The following ASTN1 variants were observed in gnomAD, a reference collection of about 807,000 sequenced individuals.
The protein encoded by ASTN1 is astrotactin-1.
ASTN1 carries 41 observed loss-of-function variants against 140.7 expected under a neutral mutation model. The ratio of observed to expected loss-of-function variants is 0.29; its 90% CI spans 0.23 to 0.38. The LOEUF is 0.38. Among genes scored for constraint, ASTN1 ranks in the 10% least tolerant of loss-of-function variants. The probability of loss-of-function intolerance (pLI) is 1.00; values close to 1 mark genes in which losing one functional copy is unlikely to be tolerated. For missense variants in ASTN1, 1,479 were observed against 1,678.8 expected (o/e 0.88, Z 2.08); for synonymous variants, 640 against 652.2 (o/e 0.98, Z 0.29).
intron 8 of ASTN1, among the ~76,000 whole-genome samples, chr1:177,005,364 T>C (rs1674941561): frequency 6.6e-6 from 1 of 152,220 alleles, no homozygotes; most frequent in African/African-American, 2.4e-5. Context: ...GGAATGCTTA[T>C]ACACTGCTAG....
intron 8 of ASTN1, among the ~76,000 whole-genome samples, chr1:176,995,131 AC>A (rs1674376961): frequency 6.6e-6 from 1 of 152,182 alleles, no homozygotes; most frequent in Non-Finnish European, 1.5e-5. Context: ...CTTATATGCA[AC>A]CATTCGCTGA....
chr1:176,958,538 T>A, intron 9 of ASTN1, 56 bp from the exon 10 acceptor site: 1 of 1,526,898 alleles, frequency 6.5e-7, no homozygotes, highest in Non-Finnish European at 8.8e-7. Context: ...CACTCACCAC[T>A]GGGGGATCTA....
intron 12 of ASTN1, among the ~76,000 whole-genome samples, 190 bp downstream of exon 12, chr1:176,948,995 C>T (rs1481911753): frequency 1.3e-5 from 2 of 152,250 alleles, no homozygotes; most frequent in Middle Eastern, 3.4e-3. Flanking sequence ...AGACTTAGGT[C>T]CCACACAACT....
intron 16 of ASTN1, among the ~76,000 whole-genome samples, chr1:176,930,107 T>G (rs1460263429): frequency 2.0e-5 from 3 of 152,092 alleles, no homozygotes; most frequent in Admixed American, 6.5e-5. Context: ...TTGCAATAGT[T>G]TTTGAAAACC....
At chr1:176,867,366 A>G (rs1668163905) in intron 22 of ASTN1, among the ~76,000 whole-genome samples, 1 of 152,094 alleles carries the variant, frequency 6.6e-6, no homozygotes, top group Non-Finnish European at 1.5e-5. Context: ...AGAGGGAGGT[A>G]GAAGGGAGTG....
At chr1:176,986,710 C>G (rs942131118) in intron 8 of ASTN1, among the ~76,000 whole-genome samples, 17 of 152,126 alleles carry the variant, frequency 1.1e-4, no homozygotes, top group African/African-American at 4.1e-4. Flanking sequence ...TTAAGTAAAT[C>G]TTCTCTCTGT....
Position 177,056,582 on chromosome 1 carries a change from TATATAC to T in ASTN1, c.471+4490_471+4495del, listed in dbSNP as rs1450138759. Among the ~76,000 whole-genome samples the T allele has an allele frequency of 4.9e-3, 627 of 127,762 alleles. 2 individuals are homozygous for T. The highest frequency in any genetic ancestry group is 0.015 in the African/African-American group (576 of 37,412). The allele number at this position is 127,762 out of a possible 152,430, so 83.8% of individuals were successfully genotyped here. A position where few individuals can be genotyped will look rare whatever the true frequency, so the allele number is the denominator to read the frequency against. On this transcript the variant is annotated intron_variant, in intron 2 of 22. Coordinates refer to ENST00000361833, the MANE Select transcript of ASTN1 (RefSeq NM_004319.3). ...AATTTCATATATATATATATATATA[TATATAC>T]ACATATCTCCAAAGAATTTTAGAAA...
intron 1 of ASTN1, among the ~76,000 whole-genome samples, chr1:177,131,138 G>C (rs928395655): frequency 6.6e-6 from 1 of 152,182 alleles, no homozygotes; most frequent in African/African-American, 2.4e-5. Context: ...TACAGTGAAT[G>C]TGCCTCTCAT....
At chr1:176,991,436 C>CAAAAAAAAAAAAAAAAAAAAAA (rs1173420812) in intron 8 of ASTN1, among the ~76,000 whole-genome samples, 22 of 13,818 alleles carry the variant, frequency 1.6e-3, no homozygotes, top group Non-Finnish European at 2.0e-3. Flanking sequence ...AAAAAAAAAC[C>CAAAAAAAAAAAAAAAAAAAAAA]AAAAAAAAAA....
At position 176,988,480 on chromosome 1, in the gene ASTN1, A is replaced by G. The variant is rs139934370; in HGVS notation, c.1524-23243T>C. ...AACTCTTATCCCTAGTTATAGTAAC[A>G]AAGCAATTTCCAAATGAGTTTCTGA... On this transcript the variant is annotated intron_variant, in intron 8 of 22. Coordinates refer to ENST00000361833, the MANE Select transcript of ASTN1 (RefSeq NM_004319.3). 4.3e-3 allele frequency among the ~76,000 whole-genome samples: 649 copies of G among 152,308 alleles called. 26 individuals carry two copies. Among genetic ancestry groups the G allele is most frequent in the Admixed American group, 0.038 (585 of 15,290 alleles).
At chr1:176,976,937 G>A (rs574540647) in intron 8 of ASTN1, 3 of 152,330 alleles carry the variant, frequency 2.0e-5, no homozygotes, top group Non-Finnish European at 4.4e-5. Flanking sequence ...ACATATTCAC[G>A]ACTGAATGTT....
At chr1:176,865,116 C>G (rs942197089) in intron 22 of ASTN1, among the ~76,000 whole-genome samples, 1 of 152,196 alleles carries the variant, frequency 6.6e-6, no homozygotes, top group African/African-American at 2.4e-5. Context: ...TGATTAACCT[C>G]CAGGTGAGCT....
intron 16 of ASTN1, among the ~76,000 whole-genome samples, chr1:176,928,992 A>G (rs1671088182): frequency 6.6e-6 from 1 of 152,170 alleles, no homozygotes; most frequent in African/African-American, 2.4e-5. Context: ...GACTTTAGAG[A>G]GCAAATCTCT....
At chr1:177,012,342 T>C (rs1160566933) in intron 8 of ASTN1, among the ~76,000 whole-genome samples, 1 of 152,230 alleles carries the variant, frequency 6.6e-6, no homozygotes, top group Middle Eastern at 3.2e-3. Context: ...CAGTCATTTG[T>C]CTGGCGCTTT....
intron 8 of ASTN1, among the ~76,000 whole-genome samples, chr1:176,989,963 G>T (rs1480814119): frequency 6.6e-6 from 1 of 151,784 alleles, no homozygotes; most frequent in African/African-American, 2.4e-5. Context: ...GCTCTTTCTG[G>T]CTCCAAAAGG....
intron 2 of ASTN1, among the ~76,000 whole-genome samples, chr1:177,060,389 C>G (rs1471132253): frequency 2.0e-5 from 3 of 152,168 alleles, no homozygotes; most frequent in South Asian, 4.1e-4. Context: ...GAAAAGAGAA[C>G]TTGGTAGTGG....
intron 8 of ASTN1, among the ~76,000 whole-genome samples, chr1:177,010,911 C>CATATTAAATTTA (rs1675257848): frequency 6.6e-6 from 1 of 152,106 alleles, no homozygotes; most frequent in Non-Finnish European, 1.5e-5. Context: ...TTTTTAGGAT[C>CATATTAAATTTA]ATTTAAATTT....
intron 15 of ASTN1, among the ~76,000 whole-genome samples, chr1:176,934,661 T>C (rs1468659922): frequency 6.6e-6 from 1 of 151,834 alleles, no homozygotes; most frequent in African/African-American, 2.4e-5. Context: ...ATCAATTTAG[T>C]GAGTTCAAAT....
At chr1:176,868,547 CTT>C (rs997769762) in intron 22 of ASTN1, among the ~76,000 whole-genome samples, 1 of 152,134 alleles carries the variant, frequency 6.6e-6, no homozygotes, top group African/African-American at 2.4e-5. Context: ...GCTTTTGACT[CTT>C]TGAGTTTTAG....
Sources: allele counts gnomAD v4.1 joint callset (sites outside exome capture counted in the v4.1 genomes callset), GRCh38; gene constraint gnomAD v4.1.1; transcripts MANE v1.5; gene names NCBI Gene and HGNC (gene_info 2026-07-23, HGNC 2026-07-21).